Variants in CFAP20DC observed in about 807,000 individuals in gnomAD.
The protein encoded by CFAP20DC is protein CFAP20DC.
In CFAP20DC, 84 loss-of-function variants were observed where a neutral mutation model predicts 101.7. The observed-to-expected ratio is 0.83, with a 90% CI of 0.69 to 0.99. The LOEUF is 0.99. Ranked by LOEUF, CFAP20DC falls within the 50% of genes least tolerant of loss-of-function variation. The pLI, the probability that CFAP20DC is intolerant of heterozygous loss-of-function variation, is 0.00. For missense variants in CFAP20DC, 1,007 were observed against 970.3 expected (o/e 1.04, Z -0.50); for synonymous variants, 359 against 351.2 (o/e 1.02, Z -0.25).
rs1177990708 is a variant in CFAP20DC at position 58,724,894 on chromosome 3, A to T, written c.198-7266T>A. Among the ~76,000 whole-genome samples the T allele has an allele frequency of 6.6e-6, 1 of 152,152 alleles. No homozygotes were observed. The highest frequency in any genetic ancestry group is 6.5e-5 in the Admixed American group (1 of 15,274). ...CCAGGAAGCAGCCAACAAACAGATT[A>T]GTGGAGCATTGCCAGGGGAGTCCCA... On this transcript the variant is annotated intron_variant, in intron 3 of 3. Coordinates refer to the CFAP20DC transcript ENST00000486145. The surrounding 1 kb of genome is among the most constrained non-coding windows in gnomAD (Gnocchi z 5.6).
chr3:58,815,678 C>A (rs1456303266), intron 14 of CFAP20DC, among the ~76,000 whole-genome samples: 2 of 151,216 alleles, frequency 1.3e-5, no homozygotes, highest in Admixed American at 6.6e-5. Context: ...AAACAAACAA[C>A]CCCATCAAAA....
chr3:58,776,160 G>C (rs2071322495), intron 15 of CFAP20DC, among the ~76,000 whole-genome samples: 1 of 152,122 alleles, frequency 6.6e-6, no homozygotes, highest in Non-Finnish European at 1.5e-5. Flanking sequence ...GACCCAAGCT[G>C]AGCAACAGTC....
intron 4 of CFAP20DC, among the ~76,000 whole-genome samples, chr3:58,954,513 A>G (rs1345438433): frequency 6.6e-6 from 1 of 152,244 alleles, no homozygotes; most frequent in African/African-American, 2.4e-5. Flanking sequence ...TTACAAGGAA[A>G]TAGTGAGATT....
rs373914857 is a variant in CFAP20DC at position 58,943,512 on chromosome 3, A to G, written c.279-5750T>C. ...TGTTAGCAAAAAACTAACAAACAGA[A>G]AGGAATAGAATCAACATGAATGAAA... On this transcript the variant is annotated intron_variant, in intron 4 of 16. Transcript: ENST00000482387. Among the ~76,000 whole-genome samples, 4 of 152,202 alleles carry G rather than the reference A, an allele frequency of 2.6e-5. No homozygotes were observed. The East Asian group carries it at 7.7e-4, about 29-fold the overall frequency.
Position 58,788,437 on chromosome 3 carries a change from G to T in CFAP20DC, c.2237+17958C>A, listed in dbSNP as rs778397898. ...GTATGAGAAGTAATGGGGAGCAAAT[G>T]GGGAATCAACGAGAAAAATTTCTTA... is the stretch of plus-strand genomic sequence containing the variant. On this transcript the variant is annotated intron_variant, in intron 15 of 16. Transcript: ENST00000482387. This position sits in a 1 kb window ranked among gnomAD's most constrained non-coding sequence, Gnocchi z 4.2. Among the ~76,000 whole-genome samples, 33 of 152,102 alleles carry T rather than the reference G, an allele frequency of 2.2e-4. No homozygotes were observed. Among genetic ancestry groups the T allele is most frequent in the Non-Finnish European group, 3.8e-4 (26 of 68,008 alleles).
At chr3:58,996,448 A>G (rs1480364609) in intron 4 of CFAP20DC, among the ~76,000 whole-genome samples, 2 of 152,236 alleles carry the variant, frequency 1.3e-5, no homozygotes, top group Non-Finnish European at 2.9e-5. Flanking sequence ...TTTTTAAGAT[A>G]CAGATAGATT....
At chr3:58,731,253 A>G (rs1382874812) in intron 3 of CFAP20DC, among the ~76,000 whole-genome samples, 1 of 152,238 alleles carries the variant, frequency 6.6e-6, no homozygotes, top group Non-Finnish European at 1.5e-5. Flanking sequence ...ATTCCAGAAA[A>G]CAGTTTGTTC....
chr3:58,771,265 G>A (rs1479849238), intron 15 of CFAP20DC, among the ~76,000 whole-genome samples: 1 of 152,138 alleles, frequency 6.6e-6, no homozygotes, highest in Non-Finnish European at 1.5e-5. Flanking sequence ...TGGGGGACTA[G>A]GGGAGGGATA....
chr3:58,754,992 T>G (rs2107276306), intron 15 of CFAP20DC, among the ~76,000 whole-genome samples: 1 of 152,292 alleles, frequency 6.6e-6, no homozygotes, highest in Middle Eastern at 3.4e-3. Flanking sequence ...AAGATCATGG[T>G]GTGGACTTAC....
At chr3:58,770,164 G>A (rs564761912) in intron 15 of CFAP20DC, among the ~76,000 whole-genome samples, 1 of 152,232 alleles carries the variant, frequency 6.6e-6, no homozygotes, top group South Asian at 2.1e-4. Flanking sequence ...TTCAACTCTG[G>A]AGGCACAAAT....
chr3:58,915,102 G>A (rs933067803), intron 5 of CFAP20DC, among the ~76,000 whole-genome samples: 1 of 152,140 alleles, frequency 6.6e-6, no homozygotes, highest in Admixed American at 6.6e-5. Flanking sequence ...GCAGAGTGTT[G>A]AGAAGTTCGG....
chr3:58,862,540 G>A, intron 12 of CFAP20DC: 1 of 985,348 alleles, frequency 1.0e-6, no homozygotes. Flanking sequence ...CTTTGCTGAA[G>A]AAACTCATTA....
Position 58,859,571 on chromosome 3 carries a change from T to C in CFAP20DC, c.1593+3987A>G, listed in dbSNP as rs1185958837. 6.6e-6 allele frequency among the ~76,000 whole-genome samples: 1 copy of C among 152,196 alleles called. No homozygotes were observed. Among genetic ancestry groups the C allele is most frequent in the African/African-American group, 2.4e-5 (1 of 41,452 alleles). On this transcript the variant is annotated intron_variant, in intron 12 of 16. Coordinates refer to ENST00000482387, the MANE Select transcript of CFAP20DC (RefSeq NM_001394063.1). This position sits in a 1 kb window ranked among gnomAD's most constrained non-coding sequence, Gnocchi z 4.1. ...GCCAAGTCACAAGGACCAAGAGACC[T>C]GTGACTTTTTCAGAGAAGAGCTTCA...
chr3:58,794,189 T>C (rs1294517490), intron 15 of CFAP20DC: 1 of 332,068 alleles, frequency 3.0e-6, no homozygotes, highest in African/African-American at 2.2e-5. Context: ...CCTCAAAATG[T>C]GGGAAGCTGC....
Position 58,863,324 on chromosome 3 carries a change from C to T in CFAP20DC, c.1593+234G>A. On this transcript the variant is annotated intron_variant, in intron 12 of 16. Coordinates refer to ENST00000482387, the MANE Select transcript of CFAP20DC (RefSeq NM_001394063.1). The surrounding 1 kb of genome is among the most constrained non-coding windows in gnomAD (Gnocchi z 5.9). ...TAAAATGAAAAAACAGAAAGAAACC[C>T]AAAACTGGTTTCTATAAGTAAAAGT... The T allele has an allele frequency of 7.1e-7, 1 of 1,405,730 alleles. No individual in the cohort carries two copies. Among genetic ancestry groups the T allele is most frequent in the African/African-American group, 1.5e-5 (1 of 68,434 alleles). 87.1% of individuals were successfully genotyped at this position (1,405,730 alleles called of 1,614,324 possible). A position where few individuals can be genotyped will look rare whatever the true frequency, so the allele number is the denominator to read the frequency against.
At chr3:58,903,454 A>T (rs1413299581) in intron 6 of CFAP20DC, among the ~76,000 whole-genome samples, 1 of 152,172 alleles carries the variant, frequency 6.6e-6, no homozygotes, top group East Asian at 1.9e-4. Context: ...TGGTTTGTGT[A>T]TTAGTTCCTT....
intron 4 of CFAP20DC, among the ~76,000 whole-genome samples, chr3:59,023,776 G>C (rs903805065): frequency 7.9e-5 from 12 of 152,050 alleles, no homozygotes; most frequent in Non-Finnish European, 1.8e-4. Flanking sequence ...AGAGTACCTC[G>C]AAACACAGAA....
At chr3:58,883,024 C>A (rs936886620) in intron 7 of CFAP20DC, among the ~76,000 whole-genome samples, 1 of 152,158 alleles carries the variant, frequency 6.6e-6, no homozygotes, top group East Asian at 1.9e-4. Flanking sequence ...TGAAGATTGA[C>A]ATATAGAAAA....
At chr3:58,762,000 G>A (rs949774121) in intron 15 of CFAP20DC, among the ~76,000 whole-genome samples, 1 of 152,074 alleles carries the variant, frequency 6.6e-6, no homozygotes, top group South Asian at 2.1e-4. Flanking sequence ...GTGCTGAAAA[G>A]AATGTATATT....
Sources: gnomAD v4.1 joint callset for allele counts (sites outside exome capture counted in the v4.1 genomes callset) on GRCh38, gnomAD v4.1.1 for gene constraint, Gnocchi (gnomAD v3.1) non-coding constraint, MANE v1.5 for transcripts, NCBI Gene and HGNC (gene_info 2026-07-23, HGNC 2026-07-21) for gene names.